The following SRPX variants were observed in gnomAD, a reference collection of about 807,000 sequenced individuals.
The protein encoded by SRPX is sushi repeat containing protein X-linked.
SRPX carries 24 observed loss-of-function variants against 38.1 expected under a neutral mutation model. That is an observed-to-expected ratio of 0.63 (90% CI 0.46 to 0.89). The LOEUF is 0.89. SRPX is among the 40% of genes least tolerant of loss of function. SRPX has a pLI of 0.00. For synonymous variants in SRPX, 184 were observed against 153.8 expected, an observed-to-expected ratio of 1.20 and a Z score of -1.45; for missense variants, 416 against 377.8, an observed-to-expected ratio of 1.10 and a Z score of -0.84.
rs368084626 is a variant in SRPX, at chrX:38,196,253, T to C, written c.98-17909A>G. On this transcript the variant is annotated intron_variant, in intron 1 of 9. Coordinates refer to ENST00000378533, the MANE Select transcript of SRPX (RefSeq NM_006307.5). ...CCTCCTCTAGTAAATCTAGTTTACATAAAGGTCCATTCAGAGAAATACTGA... is the reference window on the plus strand; with the variant it reads ...CCTCCTCTAGTAAATCTAGTTTACACAAAGGTCCATTCAGAGAAATACTGA... Among the ~76,000 whole-genome samples the C allele has an allele frequency of 7.9e-4, 89 of 112,360 alleles. 7 individuals carry two copies. Among genetic ancestry groups the C allele is most frequent in the Admixed American group, 3.9e-3 (41 of 10,626 alleles).
intron 1 of SRPX, among the ~76,000 whole-genome samples, chrX:38,189,850 A>G (rs1483092456): frequency 8.9e-6 from 1 of 111,820 alleles, no homozygotes; most frequent in African/African-American, 3.3e-5. Flanking sequence ...GTTTCCCCTT[A>G]CTGCCCCTGT....
intron 1 of SRPX, among the ~76,000 whole-genome samples, chrX:38,194,046 A>T (rs1309335760): frequency 9.0e-6 from 1 of 111,663 alleles, no homozygotes; most frequent in African/African-American, 3.3e-5. Flanking sequence ...TGGATACAGA[A>T]GACAAACTCC....
chrX:38,164,256 C>T (rs187409026), intron 5 of SRPX, among the ~76,000 whole-genome samples: 1 of 110,342 alleles, frequency 9.1e-6, no homozygotes. Context: ...GATTCTCATG[C>T]CTCAGCCTCC....
At chrX:38,171,796 T>G in intron 4 of SRPX, 85 bp downstream of exon 4, 1 of 999,297 alleles carries the variant, frequency 1.0e-6, no homozygotes, top group Non-Finnish European at 1.4e-6. Context: ...GGAGGAATAG[T>G]GATGCTCCCT....
At chrX:38,157,409 C>T (rs1488294091) in intron 7 of SRPX, among the ~76,000 whole-genome samples, 3 of 111,123 alleles carry the variant, frequency 2.7e-5, no homozygotes, top group Non-Finnish European at 5.7e-5. Flanking sequence ...CATCGAGAGG[C>T]CACATTCATT....
At chrX:38,166,906 T>C (rs1207226869) in intron 4 of SRPX, among the ~76,000 whole-genome samples, 3 of 111,975 alleles carry the variant, frequency 2.7e-5, no homozygotes, top group East Asian at 2.8e-4. Flanking sequence ...AGATAGGTTA[T>C]CTGGGTGAAG....
chrX:38,185,202 T>G (rs1938751267), intron 1 of SRPX, among the ~76,000 whole-genome samples: 1 of 112,312 alleles, frequency 8.9e-6, no homozygotes, highest in Non-Finnish European at 1.9e-5. Flanking sequence ...AAAATCTGCC[T>G]TAAATTTCTT....
chrX:38,201,916 A>G (rs1235666852), intron 1 of SRPX, among the ~76,000 whole-genome samples: 1 of 111,908 alleles, frequency 8.9e-6, no homozygotes, highest in Non-Finnish European at 1.9e-5. Flanking sequence ...AGAAGTAGAC[A>G]CTGGGTACAG....
chrX:38,149,870 G>A lies in SRPX; in HGVS notation c.1236C>T (p.Tyr412=). 3 of 1,206,245 alleles carry A rather than the reference G, an allele frequency of 2.5e-6. No individual in the cohort carries two copies. Among genetic ancestry groups the A allele is most frequent in the Non-Finnish European group, 3.4e-6 (3 of 893,563 alleles). ...QLRLLLRIPL[Y]SFSMVLVDKH... Reference sequence around the variant, plus strand: ...TATCCACTAGCACCATACTGAAGGAGTAGAGTGGGATTCGCAGCAACAGCC... The same window carrying A: ...TATCCACTAGCACCATACTGAAGGAATAGAGTGGGATTCGCAGCAACAGCC... Residue 412 remains tyrosine, a synonymous_variant, in exon 10 of 10, where the codon TAC becomes TAT. Coordinates refer to ENST00000378533, the MANE Select transcript of SRPX (RefSeq NM_006307.5).
At chrX:38,208,007 A>G (rs141850627) in intron 1 of SRPX, among the ~76,000 whole-genome samples, 7 of 112,000 alleles carry the variant, frequency 6.3e-5, no homozygotes, top group African/African-American at 2.3e-4. Context: ...AAGGGAGCCA[A>G]TTCTTTATTG....
Position 38,180,991 on chromosome X carries a change from A to G in SRPX, c.98-2647T>C, listed in dbSNP as rs141141121. Among the ~76,000 whole-genome samples the G allele has an allele frequency of 3.8e-3, 423 of 112,732 alleles. 1 individual carries two copies. Among genetic ancestry groups the G allele is most frequent in the African/African-American group, 0.013 (395 of 31,058 alleles). ...AGCAAAGTTGGTCCCAGAAGACTATATACTATATATACGACTCCTTTTTTA... is the reference window on the plus strand; with the variant it reads ...AGCAAAGTTGGTCCCAGAAGACTATGTACTATATATACGACTCCTTTTTTA... On this transcript the variant is annotated intron_variant, in intron 1 of 9. Coordinates refer to ENST00000378533, the MANE Select transcript of SRPX (RefSeq NM_006307.5).
At chrX:38,183,108 T>C (rs1422391391) in intron 1 of SRPX, among the ~76,000 whole-genome samples, 1 of 107,643 alleles carries the variant, frequency 9.3e-6, no homozygotes, top group Non-Finnish European at 1.9e-5. Context: ...GGAGGGAGTG[T>C]AGTGGTATGA....
chrX:38,160,477 G>A (rs372641642), intron 6 of SRPX, among the ~76,000 whole-genome samples: 10 of 111,939 alleles, frequency 8.9e-5, no homozygotes, highest in African/African-American at 3.2e-4. Flanking sequence ...TTAGCAATTA[G>A]TTGCCCAAAC....
rs1284392592 is a variant in SRPX at position 38,154,598 on chromosome X, A to C, written c.1090-15T>G. On this transcript the variant is annotated splice_polypyrimidine_tract_variant and intron_variant, in intron 8 of 9. Transcript: ENST00000378533. ...CACTGTGCTTGCTGGGAAAAAGAAA[A>C]CCCAACAGGGGAAGTATGAGCATGG... 8.3e-7 allele frequency: 1 copy of C among 1,206,400 alleles called. No individual in the cohort carries two copies. The highest frequency in any genetic ancestry group is 1.1e-6 in the Non-Finnish European group (1 of 893,493).
chrX:38,182,013 C>T (rs1601860074), intron 1 of SRPX, among the ~76,000 whole-genome samples: 1 of 111,984 alleles, frequency 8.9e-6, no homozygotes, highest in South Asian at 3.7e-4. Flanking sequence ...AATCTGATTT[C>T]TGTGCAATTG....
chrX:38,159,619 G>C (rs1316572870), intron 7 of SRPX, among the ~76,000 whole-genome samples: 1 of 112,778 alleles, frequency 8.9e-6, no homozygotes, highest in Non-Finnish European at 1.9e-5. Context: ...AATGCCCAAA[G>C]TCTATGTAAC....
intron 1 of SRPX, among the ~76,000 whole-genome samples, chrX:38,207,238 T>C (rs770522000): frequency 8.9e-6 from 1 of 112,621 alleles, no homozygotes; most frequent in South Asian, 3.7e-4. Context: ...AAATAATATT[T>C]TTCCAATTTA....
At chrX:38,204,579 C>G (rs1028663959) in intron 1 of SRPX, among the ~76,000 whole-genome samples, 1 of 111,840 alleles carries the variant, frequency 8.9e-6, no homozygotes, top group Admixed American at 9.5e-5. Context: ...ATGTTCAATG[C>G]ATGAAGAGGG....
chrX:38,167,637 T>A (rs1020775653), intron 4 of SRPX, among the ~76,000 whole-genome samples: 5 of 112,772 alleles, frequency 4.4e-5, no homozygotes. Flanking sequence ...TGGCCTTTGC[T>A]CTCTGCCACA....
Sources: gnomAD v4.1 joint callset for allele counts (sites outside exome capture counted in the v4.1 genomes callset) on GRCh38, gnomAD v4.1.1 for gene constraint, MANE v1.5 for transcripts, NCBI Gene and HGNC (gene_info 2026-07-23, HGNC 2026-07-21) for gene names.